Variants in CFAP299 observed in about 807,000 individuals in gnomAD.
The protein encoded by CFAP299 is cilia and flagella associated protein 299, also known as cilia- and flagella-associated protein 299.
A neutral mutation model predicts 27.0 loss-of-function variants in CFAP299; 21 were observed. That is an observed-to-expected ratio of 0.78 (90% CI 0.55 to 1.12). The LOEUF (loss-of-function observed/expected upper bound fraction) is 1.12, where lower values mean the gene tolerates loss of function less well. CFAP299 is among the 50% of genes most tolerant of loss of function. The pLI, the probability that CFAP299 is intolerant of heterozygous loss-of-function variation, is 0.00. For synonymous variants in CFAP299, 104 were observed against 98.1 expected (o/e 1.06, Z -0.36); for missense variants, 310 against 276.6 (o/e 1.12, Z -0.86).
intron 3 of CFAP299, among the ~76,000 whole-genome samples, chr4:80,629,473 A>G (rs1238530476): frequency 6.6e-6 from 1 of 152,172 alleles, no homozygotes; most frequent in Non-Finnish European, 1.5e-5. Flanking sequence ...TTCTCACTAC[A>G]AAAATCAAAA....
intron 3 of CFAP299, among the ~76,000 whole-genome samples, chr4:80,830,103 A>C (rs576368983): frequency 6.6e-6 from 1 of 152,224 alleles, no homozygotes; most frequent in Admixed American, 6.6e-5. Flanking sequence ...GTGAAAACAA[A>C]ATGCAGGCAC....
intron 2 of CFAP299, among the ~76,000 whole-genome samples, chr4:80,420,965 C>T (rs1457197019): frequency 6.6e-6 from 1 of 152,174 alleles, no homozygotes; most frequent in Non-Finnish European, 1.5e-5. Flanking sequence ...CTTGGCCTTT[C>T]CATGCTCCTT....
Position 80,426,127 on chromosome 4 carries a change from G to GT in CFAP299, c.242+63255dup, listed in dbSNP as rs376905295. 9.2e-3 allele frequency among the ~76,000 whole-genome samples: 1,271 copies of GT among 138,274 alleles called. 15 individuals are homozygous for GT. The highest frequency in any genetic ancestry group is 0.028 in the African/African-American group (1,080 of 38,084). The allele number at this position is 138,274 out of a possible 152,430, so 90.7% of individuals were successfully genotyped here. On this transcript the variant is annotated intron_variant, in intron 2 of 5. Transcript: ENST00000358105. The stretch of plus-strand genomic sequence containing the variant: ...AGTTACCAGAGCTTTTAGTTTTCTT[G>GT]TTTTTTTTTTTTAGTTTGACTTTAA...
intron 3 of CFAP299, among the ~76,000 whole-genome samples, chr4:80,787,630 A>G (rs547281281): frequency 2.0e-5 from 3 of 152,136 alleles, no homozygotes; most frequent in Non-Finnish European, 4.4e-5. Flanking sequence ...TTGCAGAAAC[A>G]TCAATTCCAA....
chr4:80,937,294 TTTTCTTTTTTTTTC>T lies in CFAP299; in HGVS notation c.477-7502_477-7489del, dbSNP rs1736940313. 1.3e-3 allele frequency among the ~76,000 whole-genome samples: 186 copies of T among 140,632 alleles called. 1 individual carries two copies. The highest frequency in any genetic ancestry group is 3.4e-3 in the African/African-American group (122 of 35,370). The allele number at this position is 140,632 out of a possible 152,430, so 92.3% of individuals were successfully genotyped here. On this transcript the variant is annotated intron_variant, in intron 4 of 5. Coordinates refer to ENST00000358105, the MANE Select transcript of CFAP299 (RefSeq NM_152770.3). ...CATTGCATAGAATATCATTTTTCTT[TTTTCTTTTTTTTTC>T]TTTCTTTTTTTTTTTTTTTTTTTTT...
chr4:80,669,314 G>C (rs1741336042), intron 3 of CFAP299, among the ~76,000 whole-genome samples: 2 of 150,990 alleles, frequency 1.3e-5, no homozygotes, highest in African/African-American at 4.9e-5. Context: ...GCCGTGCCTG[G>C]CTAATCTTTT....
chr4:80,824,552 A>C (rs1022756532), intron 3 of CFAP299, among the ~76,000 whole-genome samples: 1 of 152,102 alleles, frequency 6.6e-6, no homozygotes, highest in Non-Finnish European at 1.5e-5. Context: ...CTCTCCCTTC[A>C]TTTTTATTTT....
At chr4:80,431,335 C>T (rs1488205708) in intron 2 of CFAP299, among the ~76,000 whole-genome samples, 1 of 151,162 alleles carries the variant, frequency 6.6e-6, no homozygotes, top group African/African-American at 2.4e-5. Context: ...TCTTTTCCTT[C>T]CTTCTTTCCT....
chr4:80,620,860 G>T (rs1738560862), intron 3 of CFAP299, among the ~76,000 whole-genome samples: 1 of 152,076 alleles, frequency 6.6e-6, no homozygotes, highest in South Asian at 2.1e-4. Flanking sequence ...TACAATGAGA[G>T]AAATAATGTG....
At chr4:80,860,517 T>G (rs1191939625) in intron 3 of CFAP299, among the ~76,000 whole-genome samples, 4 of 152,126 alleles carry the variant, frequency 2.6e-5, no homozygotes, top group African/African-American at 9.7e-5. Context: ...TTCTGCTCTG[T>G]TTTTTCCCCA....
At chr4:80,544,418 A>G (rs1387940335) in intron 2 of CFAP299, among the ~76,000 whole-genome samples, 1 of 152,214 alleles carries the variant, frequency 6.6e-6, no homozygotes, top group Non-Finnish European at 1.5e-5. Flanking sequence ...AAAGTCATAG[A>G]GTGGCAAGTT....
chr4:80,467,919 A>C (rs947733968), intron 2 of CFAP299, among the ~76,000 whole-genome samples: 10 of 152,168 alleles, frequency 6.6e-5, no homozygotes, highest in African/African-American at 2.2e-4. Flanking sequence ...ATCTCATGAG[A>C]ACTCACTCAT....
intron 4 of CFAP299, among the ~76,000 whole-genome samples, chr4:80,899,096 C>G (rs1232756367): frequency 1.3e-5 from 2 of 152,208 alleles, no homozygotes; most frequent in African/African-American, 4.8e-5. Context: ...TACTCAAACT[C>G]TCTCACACTT....
intron 5 of CFAP299, among the ~76,000 whole-genome samples, chr4:80,961,898 C>CA (rs1386473580): frequency 6.6e-6 from 1 of 151,892 alleles, no homozygotes; most frequent in Non-Finnish European, 1.5e-5. Context: ...ACAGAAATAA[C>CA]AATGGCTAGC....
At chr4:80,642,297 A>C (rs1357828759) in intron 3 of CFAP299, among the ~76,000 whole-genome samples, 2 of 152,204 alleles carry the variant, frequency 1.3e-5, no homozygotes, top group Non-Finnish European at 2.9e-5. Flanking sequence ...GTGCTTCTGA[A>C]TATCCTGGTT....
At chr4:80,788,438 T>C (rs767612895) in intron 3 of CFAP299, among the ~76,000 whole-genome samples, 26 of 152,062 alleles carry the variant, frequency 1.7e-4, no homozygotes, top group Non-Finnish European at 3.5e-4. Flanking sequence ...GTCATGTCCA[T>C]TTGAGGATTA....
At chr4:80,459,933 G>A (rs139107037) in intron 2 of CFAP299, among the ~76,000 whole-genome samples, 35 of 152,206 alleles carry the variant, frequency 2.3e-4, no homozygotes, top group African/African-American at 7.7e-4. Flanking sequence ...AATAGAAAAA[G>A]CCATAAAATT....
chr4:80,837,508 T>C (rs1346104642), intron 3 of CFAP299, among the ~76,000 whole-genome samples: 1 of 152,170 alleles, frequency 6.6e-6, no homozygotes, highest in East Asian at 1.9e-4. Context: ...ATTGTTCAAC[T>C]CCCACTTACC....
At chr4:80,566,859 T>G (rs948092874) in intron 2 of CFAP299, among the ~76,000 whole-genome samples, 2 of 152,062 alleles carry the variant, frequency 1.3e-5, no homozygotes, top group Admixed American at 6.6e-5. Context: ...AAAGAACATC[T>G]ATTTCCTCTC....
Sources: allele counts gnomAD v4.1 joint callset (sites outside exome capture counted in the v4.1 genomes callset), GRCh38; gene constraint gnomAD v4.1.1; transcripts MANE v1.5; gene names NCBI Gene and HGNC (gene_info 2026-07-23, HGNC 2026-07-21).